Variants in SRPK2 observed in about 807,000 individuals in gnomAD.
SRPK2 encodes SFRS protein kinase 2.
Under a neutral mutation model 90.8 loss-of-function variants are expected in SRPK2, and 21 were observed. The observed-to-expected ratio is 0.23, with a 90% CI of 0.16 to 0.33. The LOEUF is 0.33. Among genes scored for constraint, SRPK2 ranks in the 10% least tolerant of loss-of-function variants. SRPK2 has a pLI of 1.00. For synonymous variants in SRPK2, 288 were observed against 311.1 expected (o/e 0.93, Z 0.78); for missense variants, 620 against 869.0 (o/e 0.71, Z 3.60).
intron 2 of SRPK2, among the ~76,000 whole-genome samples, chr7:105,273,996 G>A (rs1009381862): frequency 3.9e-5 from 6 of 152,054 alleles, no homozygotes; most frequent in Non-Finnish European, 7.4e-5. Flanking sequence ...GAAATCTAAG[G>A]GGCAAAAAGA....
chr7:105,389,747 A>G (rs564393899), upstream of SRPK2, among the ~76,000 whole-genome samples: 2 of 152,342 alleles, frequency 1.3e-5, no homozygotes, highest in Non-Finnish European at 2.9e-5. Context: ...CAGGCTGCCT[A>G]CAAAAGATGT....
At chr7:105,292,656 T>G (rs975267389) in intron 2 of SRPK2, among the ~76,000 whole-genome samples, 5 of 152,172 alleles carry the variant, frequency 3.3e-5, no homozygotes, top group African/African-American at 1.2e-4. Context: ...GGGACAGCGC[T>G]TTTTGCTTGC....
In SRPK2 at chr7:105,270,410, CTT is replaced by C. The variant is rs34076915; in HGVS notation, c.72-66627_72-66626del. On this transcript the variant is annotated intron_variant, in intron 2 of 15. Coordinates refer to ENST00000393651, the MANE Select transcript of SRPK2 (RefSeq NM_182692.3). Reference sequence around the variant, plus strand: ...GGATTTAGGAACAGCCTCCTCTGCCCTTTTTTTTTTTTTTTTGAGATGGAATT... The same window carrying C: ...GGATTTAGGAACAGCCTCCTCTGCCCTTTTTTTTTTTTTTGAGATGGAATT... 2.9e-3 allele frequency among the ~76,000 whole-genome samples: 410 copies of C among 141,380 alleles called. 2 individuals are homozygous for C. Among genetic ancestry groups the C allele is most frequent in the Middle Eastern group, 7.2e-3 (2 of 276 alleles). 92.8% of individuals were successfully genotyped at this position (141,380 alleles called of 152,430 possible).
intron 2 of SRPK2, among the ~76,000 whole-genome samples, chr7:105,261,079 G>T (rs1804205244): frequency 6.8e-6 from 1 of 147,818 alleles, no homozygotes; most frequent in African/African-American, 2.5e-5. Context: ...AAACACCAAG[G>T]TGATACACAA....
upstream of SRPK2, among the ~76,000 whole-genome samples, chr7:105,391,629 C>T (rs1184866066): frequency 2.0e-5 from 3 of 151,894 alleles, no homozygotes; most frequent in Admixed American, 6.6e-5. Context: ...GAACTATGAT[C>T]GCACCACTGC....
chr7:105,388,620 AACGGGG>A, intron 2 of SRPK2, 22 bp downstream of exon 2: 1 of 1,549,640 alleles, frequency 6.5e-7, no homozygotes, highest in Non-Finnish European at 8.7e-7. Context: ...GGGGGTGGGG[AACGGGG>A]ACAGGCGCAG....
intron 7 of SRPK2, among the ~76,000 whole-genome samples, chr7:105,152,582 G>C (rs1805858234): frequency 6.6e-6 from 1 of 152,148 alleles, no homozygotes; most frequent in Non-Finnish European, 1.5e-5. Context: ...CAGGATAACT[G>C]TGACAATGGG....
intron 7 of SRPK2, among the ~76,000 whole-genome samples, chr7:105,150,163 A>AT (rs1202819076): frequency 6.6e-5 from 10 of 152,204 alleles, no homozygotes; most frequent in South Asian, 6.2e-4. Context: ...ATTTTAAGAC[A>AT]TTTTTTGCCT....
At chr7:105,128,005 A>C (rs1244831878) in intron 13 of SRPK2, among the ~76,000 whole-genome samples, 2 of 151,996 alleles carry the variant, frequency 1.3e-5, no homozygotes, top group African/African-American at 2.4e-5. Context: ...GGGAAACTTC[A>C]CTGCATCAAC....
chr7:105,357,035 T>G (rs2132162155), intron 2 of SRPK2, among the ~76,000 whole-genome samples: 1 of 151,540 alleles, frequency 6.6e-6, no homozygotes, highest in Non-Finnish European at 1.5e-5. Flanking sequence ...AGGTAAACAC[T>G]AATTTTTTTT....
intron 3 of SRPK2, chr7:105,189,082 G>A (rs1009994117): frequency 7.2e-5 from 11 of 152,642 alleles, no homozygotes; most frequent in African/African-American, 2.7e-4. Flanking sequence ...TGCTGCCAAG[G>A]GGCTCAGTAC....
At position 105,229,451 on chromosome 7, in the gene SRPK2, A is replaced by G. The variant is rs182872557; in HGVS notation, c.72-25666T>C. Among the ~76,000 whole-genome samples, 427 of 149,856 alleles carry G rather than the reference A, an allele frequency of 2.8e-3. 1 individual carries two copies. Among genetic ancestry groups the G allele is most frequent in the Middle Eastern group, 3.4e-3 (1 of 292 alleles). On this transcript the variant is annotated intron_variant, in intron 2 of 15. Transcript: ENST00000393651. Reference sequence around the variant, plus strand: ...TGCACTCCAGCCTGGGCGACAGAGCAAGACTCCGTCTCAAAAAAAAAAAGG... The same window carrying G: ...TGCACTCCAGCCTGGGCGACAGAGCGAGACTCCGTCTCAAAAAAAAAAAGG...
intron 2 of SRPK2, among the ~76,000 whole-genome samples, chr7:105,276,558 T>C (rs1806520790): frequency 2.7e-5 from 4 of 149,690 alleles, no homozygotes; most frequent in Admixed American, 2.7e-4. Context: ...GGCAACATAG[T>C]GAGACTTCAT....
intron 2 of SRPK2, among the ~76,000 whole-genome samples, chr7:105,293,281 AG>A (rs1363140722): frequency 2.6e-5 from 4 of 152,004 alleles, no homozygotes; most frequent in African/African-American, 9.6e-5. Flanking sequence ...TCTCAAAAAA[AG>A]AAAAAAAAAA....
chr7:105,353,340 G>GT (rs1197276249), intron 2 of SRPK2, among the ~76,000 whole-genome samples: 6 of 151,782 alleles, frequency 4.0e-5, no homozygotes, highest in African/African-American at 7.3e-5. Context: ...TAATGGTTTT[G>GT]TTTTTTTGTG....
intron 3 of SRPK2, among the ~76,000 whole-genome samples, chr7:105,186,251 A>G (rs1259236287): frequency 6.6e-6 from 1 of 152,194 alleles, no homozygotes; most frequent in Non-Finnish European, 1.5e-5. Context: ...ATGTGTATAT[A>G]TTACACAATG....
At chr7:105,162,762 A>G (rs928124007) in intron 6 of SRPK2, among the ~76,000 whole-genome samples, 1 of 152,132 alleles carries the variant, frequency 6.6e-6, no homozygotes, top group Non-Finnish European at 1.5e-5. Flanking sequence ...CCCAAACATA[A>G]CCTAAGTCTT....
chr7:105,159,464 A>AAAAAAAAAAAAAAAAAAAAAAAAC (rs1807168874), intron 7 of SRPK2, among the ~76,000 whole-genome samples: 3 of 141,672 alleles, frequency 2.1e-5, no homozygotes, highest in Admixed American at 6.8e-5. Context: ...AAAAAAAAAA[A>AAAAAAAAAAAAAAAAAAAAAAAAC]AAAAAAAAAC....
chr7:105,329,391 C>G (rs1814001930), intron 2 of SRPK2, among the ~76,000 whole-genome samples: 3 of 152,004 alleles, frequency 2.0e-5, no homozygotes, highest in Admixed American at 2.0e-4. Context: ...AGTTAAGATT[C>G]TGAAACAGAA....
Sources: gnomAD v4.1 joint callset for allele counts (sites outside exome capture counted in the v4.1 genomes callset) on GRCh38, gnomAD v4.1.1 for gene constraint, MANE v1.5 for transcripts, NCBI Gene and HGNC (gene_info 2026-07-23, HGNC 2026-07-21) for gene names.